The following TMEM163 variants were observed in gnomAD, a reference collection of about 807,000 sequenced individuals.
TMEM163 encodes transmembrane protein 163.
A neutral mutation model predicts 29.3 loss-of-function variants in TMEM163; 17 were observed. That is an observed-to-expected ratio of 0.58 (90% CI 0.40 to 0.87). TMEM163 has a LOEUF of 0.87. Among genes scored for constraint, TMEM163 ranks in the 40% least tolerant of loss-of-function variants. The probability of loss-of-function intolerance (pLI) is 0.00; values close to 1 mark genes in which losing one functional copy is unlikely to be tolerated. For missense variants in TMEM163, 303 were observed against 381.5 expected (o/e 0.79, Z 1.71); for synonymous variants, 157 against 160.6 (o/e 0.98, Z 0.17).
chr2:134,715,443 G>A (rs559545700), intron 1 of TMEM163, among the ~76,000 whole-genome samples: 6 of 152,228 alleles, frequency 3.9e-5, no homozygotes, highest in East Asian at 1.9e-4. Context: ...TGCCTCCTCC[G>A]TGATATTTTT....
intron 4 of TMEM163, among the ~76,000 whole-genome samples, chr2:134,546,729 C>T (rs925136772): frequency 3.3e-5 from 5 of 151,750 alleles, no homozygotes; most frequent in Admixed American, 3.3e-4. Context: ...AGGAGAATTG[C>T]CTGAACCTGG....
intron 4 of TMEM163, among the ~76,000 whole-genome samples, chr2:134,516,586 C>CAT (rs1232930999): frequency 1.4e-5 from 2 of 147,806 alleles, no homozygotes; most frequent in African/African-American, 2.5e-5. Context: ...TATATATATT[C>CAT]ATATATATTC....
chr2:134,460,621 C>T lies in TMEM163; in HGVS notation c.668-2448G>A, dbSNP rs985785579. 1.3e-5 allele frequency among the ~76,000 whole-genome samples: 2 copies of T among 152,126 alleles called. No homozygotes were observed. The highest frequency in any genetic ancestry group is 2.9e-5 in the Non-Finnish European group (2 of 68,020). On this transcript the variant is annotated intron_variant, in intron 6 of 7. Transcript: ENST00000281924. This position sits in a 1 kb window ranked among gnomAD's most constrained non-coding sequence, Gnocchi z 4.3. ...CCTGAGCGCCACCCCTGCCTGGCTCCCGCAGACAGTCACCCCAGGAGAAGC... is the reference window on the plus strand; with the variant it reads ...CCTGAGCGCCACCCCTGCCTGGCTCTCGCAGACAGTCACCCCAGGAGAAGC...
intron 2 of TMEM163, among the ~76,000 whole-genome samples, chr2:134,668,275 G>A (rs1448204798): frequency 1.3e-5 from 2 of 152,184 alleles, no homozygotes; most frequent in African/African-American, 4.8e-5. Context: ...GTTCTCATCA[G>A]CGCTCATCAG....
At chr2:134,695,934 C>T (rs907281832) in intron 2 of TMEM163, among the ~76,000 whole-genome samples, 1 of 151,956 alleles carries the variant, frequency 6.6e-6, no homozygotes, top group African/African-American at 2.4e-5. Context: ...TGCCTGTAAT[C>T]CCAGCTATCA....
intron 2 of TMEM163, among the ~76,000 whole-genome samples, chr2:134,687,140 G>T (rs896475331): frequency 6.6e-6 from 1 of 152,200 alleles, no homozygotes; most frequent in Non-Finnish European, 1.5e-5. Context: ...ACCTCTACTT[G>T]CAAGATGGCC....
At chr2:134,544,914 C>A (rs552216032) in intron 4 of TMEM163, among the ~76,000 whole-genome samples, 6 of 152,166 alleles carry the variant, frequency 3.9e-5, no homozygotes, top group African/African-American at 1.4e-4. Flanking sequence ...ACACAGCCAT[C>A]GCCGCTGAGC....
At chr2:134,655,281 A>G (rs1285429672) in intron 2 of TMEM163, among the ~76,000 whole-genome samples, 68 of 134,504 alleles carry the variant, frequency 5.1e-4, no homozygotes, top group African/African-American at 2.1e-3. Context: ...TTCCCTTCTC[A>G]CTTCATTTCA....
intron 2 of TMEM163, among the ~76,000 whole-genome samples, chr2:134,575,685 C>T (rs921541627): frequency 1.3e-5 from 2 of 152,146 alleles, no homozygotes; most frequent in African/African-American, 2.4e-5. Context: ...CCTACCAAAC[C>T]GGACCATAAG....
chr2:134,457,645 T>C (rs1686429363), intron 7 of TMEM163, among the ~76,000 whole-genome samples: 1 of 152,198 alleles, frequency 6.6e-6, no homozygotes, highest in African/African-American at 2.4e-5. Flanking sequence ...AGCACACTGT[T>C]GCATCCCCCA....
chr2:134,687,285 T>C (rs772860374), intron 2 of TMEM163, among the ~76,000 whole-genome samples: 46 of 151,968 alleles, frequency 3.0e-4, no homozygotes, highest in Non-Finnish European at 5.6e-4. Context: ...AAAGCACAGA[T>C]AAAATGTTGG....
chr2:134,691,876 C>T (rs187193949), intron 2 of TMEM163, among the ~76,000 whole-genome samples: 1 of 152,358 alleles, frequency 6.6e-6, no homozygotes, highest in Admixed American at 6.5e-5. Context: ...CCTTGCTCCA[C>T]ATCCTAATCC....
intron 4 of TMEM163, among the ~76,000 whole-genome samples, chr2:134,539,122 G>A (rs1217093950): frequency 6.6e-6 from 1 of 152,154 alleles, no homozygotes; most frequent in African/African-American, 2.4e-5. Flanking sequence ...ATTATCTCAT[G>A]TGTTTCTTAT....
chr2:134,617,682 G>A (rs76780507), intron 2 of TMEM163, among the ~76,000 whole-genome samples: 4 of 21,020 alleles, frequency 1.9e-4, no homozygotes, highest in Non-Finnish European at 4.3e-4. Flanking sequence ...CAGAATAAAC[G>A]GGAACAACAA....
chr2:134,522,663 G>A lies in TMEM163; in HGVS notation c.459-19666C>T, dbSNP rs571866723. On this transcript the variant is annotated intron_variant, in intron 4 of 7. Coordinates refer to ENST00000281924, the MANE Select transcript of TMEM163 (RefSeq NM_030923.5). ...CAACAGAAGCAGCCTTGTAAGGACAGGTAGCCAGCCACACAGGGCGAATGA... is the reference window on the plus strand; with the variant it reads ...CAACAGAAGCAGCCTTGTAAGGACAAGTAGCCAGCCACACAGGGCGAATGA... Among the ~76,000 whole-genome samples, 21 of 152,362 alleles carry A rather than the reference G, an allele frequency of 1.4e-4. No individual in the cohort carries two copies. The South Asian group carries it at 4.3e-3, about 32-fold the overall frequency.
intron 2 of TMEM163, among the ~76,000 whole-genome samples, chr2:134,637,227 C>G (rs1299849281): frequency 6.6e-6 from 1 of 152,344 alleles, no homozygotes; most frequent in East Asian, 1.9e-4. Context: ...TTGGCACATT[C>G]TCCCCACGGC....
chr2:134,691,796 G>C (rs1483434545), intron 2 of TMEM163, among the ~76,000 whole-genome samples: 3 of 152,144 alleles, frequency 2.0e-5, no homozygotes, highest in African/African-American at 7.2e-5. Context: ...CTTGACCCTG[G>C]CTGGCATGTA....
chr2:134,527,254 C>T (rs1400648182), intron 4 of TMEM163, among the ~76,000 whole-genome samples: 4 of 151,922 alleles, frequency 2.6e-5, no homozygotes, highest in Non-Finnish European at 4.4e-5. Flanking sequence ...TGCTTACATA[C>T]GTGTATGCAT....
chr2:134,568,765 T>C (rs1681358203), intron 2 of TMEM163, among the ~76,000 whole-genome samples: 1 of 151,978 alleles, frequency 6.6e-6, no homozygotes, highest in South Asian at 2.1e-4. Flanking sequence ...AAAGAAATCT[T>C]AGGTCTGGCT....
Sources: allele counts gnomAD v4.1 joint callset (sites outside exome capture counted in the v4.1 genomes callset), GRCh38; gene constraint gnomAD v4.1.1; non-coding constraint Gnocchi (gnomAD v3.1); transcripts MANE v1.5; gene names NCBI Gene and HGNC (gene_info 2026-07-23, HGNC 2026-07-21).